VPS45: variants seen among roughly 807,000 people sequenced by gnomAD.
VPS45 encodes vacuolar protein sorting-associated protein 45.
VPS45 carries 35 observed loss-of-function variants against 75.9 expected under a neutral mutation model. The observed-to-expected ratio is 0.46, with a 90% CI of 0.35 to 0.61. The LOEUF (loss-of-function observed/expected upper bound fraction) is 0.61, where lower values mean the gene tolerates loss of function less well. VPS45 is among the 20% of genes least tolerant of loss of function. VPS45 has a pLI of 0.00. For missense variants in VPS45, 559 were observed against 685.9 expected (o/e 0.81, Z 2.07); for synonymous variants, 220 against 238.2 (o/e 0.92, Z 0.70).
chr1:150,120,613 C>T (rs1341785901), intron 14 of VPS45, among the ~76,000 whole-genome samples: 4 of 152,078 alleles, frequency 2.6e-5, no homozygotes, highest in Admixed American at 2.6e-4. Flanking sequence ...TTCTTGCATA[C>T]TTTATTTCTT....
At chr1:150,073,831 A>T (rs1487257799) in intron 3 of VPS45, among the ~76,000 whole-genome samples, 1 of 151,934 alleles carries the variant, frequency 6.6e-6, no homozygotes, top group African/African-American at 2.4e-5. Context: ...CTTCTGTCCC[A>T]CCCCAACCCC....
intron 13 of VPS45, among the ~76,000 whole-genome samples, chr1:150,103,256 A>G (rs782789726): frequency 6.6e-6 from 1 of 152,180 alleles, no homozygotes; most frequent in Non-Finnish European, 1.5e-5. Flanking sequence ...TTCAACCATC[A>G]TATGGAAAAG....
intron 2 of VPS45, chr1:150,068,975 G>A (rs985511819): frequency 9.7e-6 from 5 of 514,430 alleles, no homozygotes; most frequent in Admixed American, 3.8e-5. Flanking sequence ...ATGTTTTTTA[G>A]GTTCACAGCC....
At chr1:150,110,747 T>C in intron 14 of VPS45, 120 bp downstream of exon 14, 1 of 999,210 alleles carries the variant, frequency 1.0e-6, no homozygotes, top group Non-Finnish European at 1.4e-6. Flanking sequence ...TGAAATTCTC[T>C]GGTGTTTGCA....
intron 11 of VPS45, 78 bp from the exon 12 acceptor site, chr1:150,092,224 T>G: frequency 7.8e-6 from 12 of 1,534,996 alleles, no homozygotes; most frequent in Non-Finnish European, 9.7e-6. Flanking sequence ...CATTTTTGTT[T>G]CCTTAATAAA....
intron 13 of VPS45, among the ~76,000 whole-genome samples, chr1:150,107,566 C>T (rs999804086): frequency 3.0e-4 from 46 of 152,140 alleles, no homozygotes; most frequent in African/African-American, 1.1e-3. Flanking sequence ...CAGTTACACC[C>T]AATTCATTCT....
At chr1:150,119,326 A>G (rs1658107049) in intron 14 of VPS45, among the ~76,000 whole-genome samples, 1 of 152,228 alleles carries the variant, frequency 6.6e-6, no homozygotes, top group African/African-American at 2.4e-5. Flanking sequence ...GGCTGCAGTG[A>G]ACTAGCAATA....
chr1:150,134,361 T>C (rs1348445660), intron 14 of VPS45, among the ~76,000 whole-genome samples: 1 of 152,216 alleles, frequency 6.6e-6, no homozygotes. Flanking sequence ...TGTTTTTTAA[T>C]TGTATTTTAA....
intron 10 of VPS45, among the ~76,000 whole-genome samples, chr1:150,088,713 A>G (rs1656161911): frequency 6.6e-6 from 1 of 151,944 alleles, no homozygotes; most frequent in Non-Finnish European, 1.5e-5. Context: ...TCCTGAGCTC[A>G]AGCAGTCCAC....
chr1:150,119,224 T>C (rs979087668), intron 14 of VPS45, among the ~76,000 whole-genome samples: 1 of 152,182 alleles, frequency 6.6e-6, no homozygotes, highest in African/African-American at 2.4e-5. Flanking sequence ...TTTAGTAAGT[T>C]TACAACTCTT....
At chr1:150,133,446 C>T (rs917879184) in intron 14 of VPS45, among the ~76,000 whole-genome samples, 1 of 151,928 alleles carries the variant, frequency 6.6e-6, no homozygotes, top group Non-Finnish European at 1.5e-5. Context: ...CCCAGCTGTT[C>T]GGGAGGCTGA....
At chr1:150,083,379 A>G (rs1158200118) in intron 10 of VPS45, 2 of 152,674 alleles carry the variant, frequency 1.3e-5, no homozygotes, top group Non-Finnish European at 2.9e-5. Context: ...CTATATGTAT[A>G]TACTACTGCT....
intron 14 of VPS45, among the ~76,000 whole-genome samples, chr1:150,118,510 A>G (rs1184523380): frequency 1.3e-5 from 2 of 151,540 alleles, no homozygotes; most frequent in Non-Finnish European, 2.9e-5. Context: ...GATTCAAGCA[A>G]TTCTCCTGCC....
At chr1:150,082,633 G>A (rs1373980718) in intron 9 of VPS45, 83 bp from the exon 10 acceptor site, 10 of 1,491,632 alleles carry the variant, frequency 6.7e-6, no homozygotes, top group Middle Eastern at 1.8e-4. Context: ...AACAACCCCC[G>A]CTTTCCCCAA....
At chr1:150,101,676 G>A (rs1553804369) in intron 13 of VPS45, among the ~76,000 whole-genome samples, 1 of 151,532 alleles carries the variant, frequency 6.6e-6, no homozygotes, top group African/African-American at 2.4e-5. Context: ...AAAGGTTGCA[G>A]TGAGCTGAGA....
intron 14 of VPS45, among the ~76,000 whole-genome samples, chr1:150,140,129 A>G (rs991817107): frequency 5.3e-5 from 8 of 152,056 alleles, no homozygotes; most frequent in Non-Finnish European, 1.2e-4. Context: ...CGTGACCTCA[A>G]GTGACCTCAA....
chr1:150,093,398 C>A, intron 12 of VPS45, 129 bp from the exon 13 acceptor site: 1 of 1,044,734 alleles, frequency 9.6e-7, no homozygotes, highest in Non-Finnish European at 1.3e-6. Context: ...TTTTAAATTT[C>A]CCACAGTTAC....
At chr1:150,122,869 C>T (rs372743704) in intron 14 of VPS45, among the ~76,000 whole-genome samples, 1 of 151,308 alleles carries the variant, frequency 6.6e-6, no homozygotes, top group Non-Finnish European at 1.5e-5. Flanking sequence ...CATGGTGGCA[C>T]GCACCTGTAA....
chr1:150,081,317 T>G (rs782548036), intron 7 of VPS45, 25 bp from the exon 8 acceptor site: 42 of 1,568,264 alleles, frequency 2.7e-5, no homozygotes, highest in Non-Finnish European at 3.3e-5. Context: ...TCAGTTACCT[T>G]TTTTTTTCAT....
Sources: allele counts gnomAD v4.1 joint callset (sites outside exome capture counted in the v4.1 genomes callset), GRCh38; gene constraint gnomAD v4.1.1; transcripts MANE v1.5; gene names NCBI Gene and HGNC (gene_info 2026-07-23, HGNC 2026-07-21).